Variants in ZC3H7A observed in about 807,000 individuals in gnomAD.
ZC3H7A encodes the protein zinc finger CCCH-type containing 7A.
A neutral mutation model predicts 125.5 loss-of-function variants in ZC3H7A; 44 were observed. The ratio of observed to expected loss-of-function variants is 0.35; its 90% CI spans 0.28 to 0.45. The LOEUF (loss-of-function observed/expected upper bound fraction) is 0.45. Ranked by LOEUF, ZC3H7A falls within the 20% of genes least tolerant of loss-of-function variation. The pLI, the probability that ZC3H7A is intolerant of heterozygous loss-of-function variation, is 1.00. For synonymous variants in ZC3H7A, 399 were observed against 391.2 expected, an observed-to-expected ratio of 1.02 and a Z score of -0.23; for missense variants, 977 against 1,170.7, an observed-to-expected ratio of 0.83 and a Z score of 2.41.
chr16:11,768,217 A>G, intron 12 of ZC3H7A, 98 bp downstream of exon 12: 2 of 1,196,360 alleles, frequency 1.7e-6, no homozygotes, highest in Non-Finnish European at 2.2e-6. Flanking sequence ...AAGAACCATA[A>G]TAACTGATGT....
intron 1 of ZC3H7A, among the ~76,000 whole-genome samples, chr16:11,791,129 AC>A (rs1241142991): frequency 6.7e-6 from 1 of 149,418 alleles, no homozygotes; most frequent in Non-Finnish European, 1.5e-5. Context: ...ACACACACAC[AC>A]ATCCCAATGC....
intron 3 of ZC3H7A, among the ~76,000 whole-genome samples, chr16:11,779,935 T>A (rs1292847489): frequency 6.6e-6 from 1 of 152,122 alleles, no homozygotes; most frequent in East Asian, 1.9e-4. Flanking sequence ...AGTTGAACTA[T>A]TCCACATTTT....
intron 9 of ZC3H7A, 104 bp from the exon 10 acceptor site, chr16:11,771,091 C>T: frequency 8.7e-7 from 1 of 1,154,526 alleles, no homozygotes; most frequent in Non-Finnish European, 1.2e-6. Flanking sequence ...ACTGGGAGAT[C>T]ACGTTACATA....
At position 11,765,053 on chromosome 16, in the gene ZC3H7A, T is replaced by C. The variant is rs2052831372; in HGVS notation, c.1820A>G (p.Lys607Arg). Residue 607 changes from lysine (K) to arginine (R), a missense_variant and splice_region_variant, in exon 15 of 23, where the codon AAG becomes AGG. Around this residue, in one of 3 missense-constraint regions of ZC3H7A, gnomAD observed 436 missense variants for 603.2 expected, o/e 0.72. Transcript: ENST00000355758. The surrounding 1 kb of genome is among the most constrained non-coding windows in gnomAD (Gnocchi z 4.8). ...CAGAAATTAGAAACTATCAACATACTTATTGTCTTCAAACTCATGCTTTGT... is the reference window on the plus strand; with the variant it reads ...CAGAAATTAGAAACTATCAACATACCTATTGTCTTCAAACTCATGCTTTGT... ...PVTKHEFEDN[K>R]CLVHILRETT... 4 of 1,548,270 alleles carry C rather than the reference T, an allele frequency of 2.6e-6. No homozygotes were observed. The highest frequency in any genetic ancestry group is 3.5e-6 in the Non-Finnish European group (4 of 1,143,264).
intron 21 of ZC3H7A, 187 bp from the exon 22 acceptor site, chr16:11,753,019 A>T: frequency 1.7e-6 from 1 of 590,230 alleles, no homozygotes; most frequent in Non-Finnish European, 2.8e-6. Flanking sequence ...AAGGGTGACA[A>T]ATGCTGCCAG....
Position 11,780,382 on chromosome 16 carries a change from A to T in ZC3H7A, c.109-1019T>A, listed in dbSNP as rs1467770943. Among the ~76,000 whole-genome samples, 8 of 152,184 alleles carry T rather than the reference A, an allele frequency of 5.3e-5. No homozygotes were observed. The East Asian group carries it at 1.5e-3, about 29-fold the overall frequency. On this transcript the variant is annotated intron_variant, in intron 3 of 22. Transcript: ENST00000355758. Reference sequence around the variant, plus strand: ...GTGATCCGCCTGCTTCAGCCTCCGAAAATGCTGGGATTACAGGTGTGAGCC... The same window carrying T: ...GTGATCCGCCTGCTTCAGCCTCCGATAATGCTGGGATTACAGGTGTGAGCC...
At chr16:11,780,747 T>C (rs900284836) in intron 3 of ZC3H7A, among the ~76,000 whole-genome samples, 2 of 152,044 alleles carry the variant, frequency 1.3e-5, no homozygotes, top group Non-Finnish European at 2.9e-5. Flanking sequence ...GAAAGTGACA[T>C]TTAGAAGCCT....
chr16:11,754,760 C>G (rs183711363), intron 21 of ZC3H7A, among the ~76,000 whole-genome samples: 2 of 151,432 alleles, frequency 1.3e-5, no homozygotes, highest in African/African-American at 4.8e-5. Context: ...TGCGTGGTGG[C>G]CGGCACCTGT....
chr16:11,759,275 T>C (rs1280410739), intron 19 of ZC3H7A: 1 of 152,228 alleles, frequency 6.6e-6, no homozygotes, highest in East Asian at 1.9e-4. Flanking sequence ...TACTTGTCTG[T>C]ATGAGGTATA....
intron 1 of ZC3H7A, 117 bp from the exon 2 acceptor site, chr16:11,782,505 C>T: frequency 4.8e-6 from 4 of 841,630 alleles, no homozygotes; most frequent in South Asian, 4.7e-5. Context: ...CCATTTCTGA[C>T]TTGACTCCAG....
At chr16:11,769,403 G>C (rs1357424135) in intron 10 of ZC3H7A, among the ~76,000 whole-genome samples, 1 of 152,110 alleles carries the variant, frequency 6.6e-6, no homozygotes, top group African/African-American at 2.4e-5. Flanking sequence ...TGGGAAAAGA[G>C]CCTTTCCTTT....
intron 12 of ZC3H7A, among the ~76,000 whole-genome samples, chr16:11,768,011 T>C (rs1207437732): frequency 6.6e-6 from 1 of 152,176 alleles, no homozygotes; most frequent in East Asian, 1.9e-4. Flanking sequence ...AATAATCAAC[T>C]TCTTAAGCAT....
chr16:11,758,637 A>T, intron 19 of ZC3H7A, 98 bp from the exon 20 acceptor site: 1 of 731,702 alleles, frequency 1.4e-6, no homozygotes, highest in Non-Finnish European at 2.3e-6. Flanking sequence ...ATCCATGCTA[A>T]TACTTAGTAA....
chr16:11,768,964 A>G, intron 11 of ZC3H7A, 67 bp downstream of exon 11: 1 of 1,470,110 alleles, frequency 6.8e-7, no homozygotes, highest in East Asian at 2.3e-5. Flanking sequence ...CATTCAAATA[A>G]CTCGGTTACT....
At chr16:11,776,622 A>G (rs2053085039) in intron 5 of ZC3H7A, 90 bp from the exon 6 acceptor site, 1 of 1,494,024 alleles carries the variant, frequency 6.7e-7, no homozygotes, top group African/African-American at 1.4e-5. Flanking sequence ...CCATCAAGAC[A>G]CCTGCTTCAT....
chr16:11,769,163 G>C, intron 10 of ZC3H7A, 68 bp from the exon 11 acceptor site: 3 of 1,372,990 alleles, frequency 2.2e-6, no homozygotes, highest in Non-Finnish European at 3.0e-6. Context: ...TCAGGGCTTA[G>C]TAGCTTACTG....
At chr16:11,767,897 C>T (rs900781282) in intron 12 of ZC3H7A, among the ~76,000 whole-genome samples, 6 of 152,086 alleles carry the variant, frequency 3.9e-5, no homozygotes, top group African/African-American at 9.7e-5. Context: ...CTTGATTTAA[C>T]GGTAAACATA....
chr16:11,761,249 T>C (rs987600725), intron 19 of ZC3H7A, among the ~76,000 whole-genome samples, 157 bp downstream of exon 19: 1 of 152,102 alleles, frequency 6.6e-6, no homozygotes, highest in African/African-American at 2.4e-5. Context: ...ACCATACATA[T>C]ACTAAAGGGA....
intron 18 of ZC3H7A, 74 bp from the exon 19 acceptor site, chr16:11,761,585 G>T: frequency 1.4e-6 from 2 of 1,472,604 alleles, no homozygotes; most frequent in Non-Finnish European, 9.4e-7. Flanking sequence ...GAGGCACAAA[G>T]TTTGTACCTG....
Sources: allele counts gnomAD v4.1 joint callset (sites outside exome capture counted in the v4.1 genomes callset), GRCh38; gene constraint gnomAD v4.1.1; regional missense constraint gnomAD v4.1.1; non-coding constraint Gnocchi (gnomAD v3.1); transcripts MANE v1.5; gene names NCBI Gene and HGNC (gene_info 2026-07-23, HGNC 2026-07-21).